Variants in TRIO observed in about 807,000 individuals in gnomAD.
The protein encoded by TRIO is triple functional domain protein.
Under a neutral mutation model 351.9 loss-of-function variants are expected in TRIO, and 58 were observed. The observed-to-expected ratio is 0.16, with a 90% CI of 0.13 to 0.21. The LOEUF (loss-of-function observed/expected upper bound fraction) is 0.21, where lower values mean the gene tolerates loss of function less well. Among genes scored for constraint, TRIO ranks in the 10% least tolerant of loss-of-function variants. The probability of loss-of-function intolerance (pLI) is 1.00; values close to 1 mark genes in which losing one functional copy is unlikely to be tolerated. For synonymous variants in TRIO, 1,758 were observed against 1,595.7 expected (o/e 1.10, Z -2.42); for missense variants, 3,201 against 4,027.8 (o/e 0.79, Z 5.56).
chr5:14,209,720 T>C (rs1791764618), intron 1 of TRIO, among the ~76,000 whole-genome samples: 1 of 152,202 alleles, frequency 6.6e-6, no homozygotes, highest in Non-Finnish European at 1.5e-5. Context: ...GCAGCACACT[T>C]TTTTTCTTTC....
intron 11 of TRIO, among the ~76,000 whole-genome samples, chr5:14,345,552 G>A (rs1010687667): frequency 6.6e-6 from 1 of 152,178 alleles, no homozygotes; most frequent in Non-Finnish European, 1.5e-5. Flanking sequence ...TTGGAAATAG[G>A]CGTACATGAA....
chr5:14,300,421 C>G (rs1303756066), intron 7 of TRIO, among the ~76,000 whole-genome samples: 2 of 152,190 alleles, frequency 1.3e-5, no homozygotes, highest in African/African-American at 2.4e-5. Flanking sequence ...TGCTTATTCA[C>G]TGTATCGGGA....
chr5:14,430,954 C>CGCCTT (rs1751064213), intron 34 of TRIO, among the ~76,000 whole-genome samples: 1 of 152,166 alleles, frequency 6.6e-6, no homozygotes, highest in South Asian at 2.1e-4. Context: ...TCAGGTGATC[C>CGCCTT]GCCTTCCTCG....
chr5:14,391,005 C>A lies in TRIO; in HGVS notation c.4218+15C>A. On this transcript the variant is annotated intron_variant, in intron 27 of 56. Coordinates refer to ENST00000344204, the MANE Select transcript of TRIO (RefSeq NM_007118.4). ...CCTATTTTGACGTAAGTAATAGATT[C>A]CTAAAGAGACCATAATTTTCCAAGT... 1 of 1,569,038 alleles carries A rather than the reference C, an allele frequency of 6.4e-7. No individual in the cohort carries two copies.
At chr5:14,427,635 C>T (rs1750760667) in intron 34 of TRIO, among the ~76,000 whole-genome samples, 1 of 152,206 alleles carries the variant, frequency 6.6e-6, no homozygotes, top group East Asian at 1.9e-4. Context: ...AGCCTCACCT[C>T]TACCCACAGG....
intron 9 of TRIO, among the ~76,000 whole-genome samples, chr5:14,324,912 A>G (rs1485745970): frequency 6.6e-6 from 1 of 152,234 alleles, no homozygotes; most frequent in Non-Finnish European, 1.5e-5. Context: ...AGTAAAGACT[A>G]TGTAAGTACC....
intron 1 of TRIO, among the ~76,000 whole-genome samples, chr5:14,207,769 A>T (rs1190308377): frequency 6.6e-6 from 1 of 152,200 alleles, no homozygotes; most frequent in African/African-American, 2.4e-5. Flanking sequence ...AAATATTTGT[A>T]AATCATATAT....
At chr5:14,201,043 AG>A (rs1298668737) in intron 1 of TRIO, among the ~76,000 whole-genome samples, 2 of 152,198 alleles carry the variant, frequency 1.3e-5, no homozygotes, top group African/African-American at 4.8e-5. Flanking sequence ...AGTTCACCTG[AG>A]GTCAGGAGTT....
At chr5:14,423,924 ATTT>A (rs577094390) in intron 34 of TRIO, among the ~76,000 whole-genome samples, 21 of 118,152 alleles carry the variant, frequency 1.8e-4, no homozygotes, top group Admixed American at 1.7e-4. Flanking sequence ...ACCCCATGGA[ATTT>A]TTTTTTTTTT....
At chr5:14,245,973 G>C (rs989471540) in intron 1 of TRIO, among the ~76,000 whole-genome samples, 1 of 152,226 alleles carries the variant, frequency 6.6e-6, no homozygotes, top group African/African-American at 2.4e-5. Context: ...CTAGGTTAGA[G>C]TGTACATTCA....
chr5:14,394,054 A>G lies in TRIO; in HGVS notation c.4235A>G (p.His1412Arg). The change falls in exon 28 of 57, where the codon CAT (histidine) becomes CGT (arginine). Residue 1412 changes from histidine to arginine, a missense_variant. This residue lies in a region of TRIO where 115 missense variants were observed against 239.6 expected (regional missense o/e 0.48). Coordinates refer to ENST00000344204, the MANE Select transcript of TRIO (RefSeq NM_007118.4). ...TTAATACAGGAGATACAGCAGCGACATGGATTAGCCAATTCCATTTCTTCC... is the reference window on the plus strand; with the variant it reads ...TTAATACAGGAGATACAGCAGCGACGTGGATTAGCCAATTCCATTTCTTCC... ...GSYFDEIQQR[H>R]GLANSISSYL... The G allele has an allele frequency of 6.2e-7, 1 of 1,613,084 alleles. No individual in the cohort carries two copies. The highest frequency in any genetic ancestry group is 8.5e-7 in the Non-Finnish European group (1 of 1,179,476).
intron 34 of TRIO, among the ~76,000 whole-genome samples, chr5:14,445,509 A>G (rs994303488): frequency 6.6e-6 from 1 of 152,202 alleles, no homozygotes; most frequent in Non-Finnish European, 1.5e-5. Flanking sequence ...ATATTTGACT[A>G]TAAGAAACCA....
At position 14,465,464 on chromosome 5, in the gene TRIO, C is replaced by T. The variant is rs1483372284; in HGVS notation, c.5668-81C>T. On this transcript the variant is annotated intron_variant, in intron 36 of 56. Transcript: ENST00000344204. ...GGAATTACTTTCACAAGAGATGGAG[C>T]TTGCAGGGGAATTTACTGTCTGACC... 1.6e-5 allele frequency: 22 copies of T among 1,349,376 alleles called. No individual in the cohort carries two copies. In the East Asian group the frequency reaches 4.9e-4, roughly 30 times the overall value. The allele number at this position is 1,349,376 out of a possible 1,614,324, so 83.6% of individuals were successfully genotyped here.
intron 1 of TRIO, among the ~76,000 whole-genome samples, chr5:14,158,927 C>G (rs1428994151): frequency 6.6e-6 from 1 of 152,214 alleles, no homozygotes; most frequent in Non-Finnish European, 1.5e-5. Context: ...TGAGTGTTTA[C>G]TATGTATAAG....
At chr5:14,248,333 C>CCTT (rs149072031) in intron 1 of TRIO, among the ~76,000 whole-genome samples, 4,993 of 152,200 alleles carry the variant, frequency 0.033, 285 homozygotes, top group African/African-American at 0.11. Flanking sequence ...TATAGCATAC[C>CCTT]CTTCTGTTCA....
Position 14,153,867 on chromosome 5 carries a change from C to T in TRIO, c.157+9985C>T, listed in dbSNP as rs563607816. Among the ~76,000 whole-genome samples, 9 of 152,238 alleles carry T rather than the reference C, an allele frequency of 5.9e-5. No individual in the cohort carries two copies. In the East Asian group the frequency reaches 1.5e-3, roughly 26 times the overall value. ...CCTGAGAATTGAATTTGTGTATACT[C>T]GTGTGTTAAGGATCAAAGCTATAAT... On this transcript the variant is annotated intron_variant, in intron 1 of 56. Transcript: ENST00000344204.
intron 34 of TRIO, among the ~76,000 whole-genome samples, chr5:14,431,205 C>T (rs1403232954): frequency 1.3e-5 from 2 of 152,300 alleles, no homozygotes; most frequent in East Asian, 1.9e-4. Flanking sequence ...GTGGCTCATG[C>T]TGGGCTGGCT....
chr5:14,461,432 A>T (rs1579725092), intron 35 of TRIO, 121 bp downstream of exon 35: 1 of 1,320,942 alleles, frequency 7.6e-7, no homozygotes, highest in East Asian at 2.6e-5. Flanking sequence ...TTACTCAGAA[A>T]TTACCATTCA....
chr5:14,149,513 C>T (rs748879477), intron 1 of TRIO, among the ~76,000 whole-genome samples: 12 of 152,176 alleles, frequency 7.9e-5, no homozygotes, highest in Non-Finnish European at 1.6e-4. Flanking sequence ...TACTAATCAC[C>T]TGCCCCCCGG....
Sources: allele counts gnomAD v4.1 joint callset (sites outside exome capture counted in the v4.1 genomes callset), GRCh38; gene constraint gnomAD v4.1.1; regional missense constraint gnomAD v4.1.1; transcripts MANE v1.5; gene names NCBI Gene and HGNC (gene_info 2026-07-23, HGNC 2026-07-21).